Variants in TBL1X observed in about 807,000 individuals in gnomAD.
TBL1X encodes the protein transducin beta like 1 X-linked.
A neutral mutation model predicts 50.7 loss-of-function variants in TBL1X; 10 were observed. The ratio of observed to expected loss-of-function variants is 0.20; its 90% CI spans 0.12 to 0.33. TBL1X has a LOEUF of 0.33. Among genes scored for constraint, TBL1X ranks in the 10% least tolerant of loss-of-function variants. The pLI is 1.00. For missense variants in TBL1X, 340 were observed against 504.4 expected, an observed-to-expected ratio of 0.67 and a Z score of 3.12; for synonymous variants, 190 against 214.7, an observed-to-expected ratio of 0.88 and a Z score of 1.01.
At chrX:9,627,552 A>G (rs2082698885) in intron 2 of TBL1X, among the ~76,000 whole-genome samples, 1 of 112,239 alleles carries the variant, frequency 8.9e-6, no homozygotes, top group Non-Finnish European at 1.9e-5. Flanking sequence ...TTTCACACCA[A>G]CTAAAAGTGT....
At chrX:9,496,767 G>A (rs1372490162) in intron 1 of TBL1X, among the ~76,000 whole-genome samples, 4 of 111,887 alleles carry the variant, frequency 3.6e-5, no homozygotes, top group East Asian at 2.8e-4. Context: ...TGGATCAGAC[G>A]TTCCTAGCCC....
rs764369041 is a variant in TBL1X at position 9,676,350 on chromosome X, C to T, written c.212-7693C>T. Among the ~76,000 whole-genome samples the T allele has an allele frequency of 7.0e-4, 79 of 112,109 alleles. 1 individual carries two copies. The highest frequency in any genetic ancestry group is 1.4e-3 in the Non-Finnish European group (74 of 53,226). ...AGCCGAGGCCCGTCCAAGGTTGTCT[C>T]GTTGTCCTAGCCCGCCATTGCCCTG... is the stretch of plus-strand genomic sequence containing the variant. On this transcript the variant is annotated intron_variant, in intron 5 of 17. Transcript: ENST00000645353.
intron 1 of TBL1X, among the ~76,000 whole-genome samples, chrX:9,479,970 G>GTGTGTGTGTGTGTGT (rs2081871803): frequency 2.7e-5 from 3 of 109,860 alleles, no homozygotes; most frequent in South Asian, 3.8e-4. Flanking sequence ...GTGTGTTTGA[G>GTGTGTGTGTGTGTGT]ATGGAGTTTT....
At chrX:9,600,475 G>GGGA (rs1555899125) in intron 2 of TBL1X, among the ~76,000 whole-genome samples, 1 of 73,674 alleles carries the variant, frequency 1.4e-5, no homozygotes, top group African/African-American at 5.7e-5. Context: ...TGGGCGGGGG[G>GGGA]GGGGGTACAC....
At chrX:9,630,860 G>A (rs778429973) in intron 2 of TBL1X, among the ~76,000 whole-genome samples, 83 of 112,636 alleles carry the variant, frequency 7.4e-4, no homozygotes, top group Admixed American at 6.6e-3. Flanking sequence ...AGAGGCGTGA[G>A]CCACCACACC....
intron 2 of TBL1X, among the ~76,000 whole-genome samples, chrX:9,520,381 T>C (rs1224179457): frequency 9.0e-6 from 1 of 110,776 alleles, no homozygotes; most frequent in Admixed American, 9.6e-5. Context: ...AAGGGAACTC[T>C]GGAGATAGGA....
At chrX:9,639,862 A>G (rs1466430742) in intron 2 of TBL1X, 1 of 112,313 alleles carries the variant, frequency 8.9e-6, no homozygotes, top group Non-Finnish European at 1.9e-5. Context: ...GCACAGGTTC[A>G]TGTATCAGCT....
intron 1 of TBL1X, among the ~76,000 whole-genome samples, chrX:9,495,204 T>C (rs1166529366): frequency 9.0e-6 from 1 of 111,508 alleles, no homozygotes; most frequent in Non-Finnish European, 1.9e-5. Context: ...AAAAGGGCTA[T>C]GGGCAGAGAG....
intron 5 of TBL1X, among the ~76,000 whole-genome samples, chrX:9,675,975 T>C (rs1328661042): frequency 9.2e-6 from 1 of 108,213 alleles, no homozygotes; most frequent in African/African-American, 3.4e-5. Flanking sequence ...AGAACAGGAG[T>C]TGTGTTGATT....
chrX:9,681,038 C>A (rs1420656554), intron 5 of TBL1X, among the ~76,000 whole-genome samples: 1 of 112,417 alleles, frequency 8.9e-6, no homozygotes, highest in Admixed American at 9.4e-5. Flanking sequence ...GAAATGAAAT[C>A]TGTGTTGGAG....
intron 5 of TBL1X, among the ~76,000 whole-genome samples, chrX:9,655,059 C>T (rs924389366): frequency 9.0e-6 from 1 of 111,500 alleles, no homozygotes. Flanking sequence ...TTTGCCTCCC[C>T]GCCTTCCTCG....
chrX:9,713,719 C>T (rs139665682), intron 16 of TBL1X, among the ~76,000 whole-genome samples: 1,542 of 109,772 alleles, frequency 0.014, 9 homozygotes, highest in Non-Finnish European at 0.02. Context: ...TGAGCCACCG[C>T]GCCCGGCCAA....
chrX:9,582,682 G>A (rs2082448493), intron 2 of TBL1X, among the ~76,000 whole-genome samples: 1 of 112,504 alleles, frequency 8.9e-6, no homozygotes, highest in African/African-American at 3.2e-5. Context: ...TTTTCAAGAA[G>A]GTAGTGAATA....
intron 2 of TBL1X, among the ~76,000 whole-genome samples, chrX:9,584,602 C>T (rs1251684008): frequency 8.9e-6 from 1 of 112,188 alleles, no homozygotes; most frequent in Admixed American, 9.4e-5. Flanking sequence ...CAAGAGAAAG[C>T]TTCGCATTTA....
intron 2 of TBL1X, among the ~76,000 whole-genome samples, chrX:9,599,375 C>T (rs1021108765): frequency 1.8e-5 from 2 of 112,449 alleles, no homozygotes; most frequent in Admixed American, 1.9e-4. Context: ...CTTCAACATA[C>T]GCCTTGGGAT....
intron 15 of TBL1X, among the ~76,000 whole-genome samples, chrX:9,710,253 A>G (rs1050869386): frequency 2.9e-5 from 3 of 103,206 alleles, no homozygotes; most frequent in Admixed American, 1.1e-4. Context: ...AAGAAAAAAA[A>G]CCACCCAACA....
rs1421905996 is a variant in TBL1X at position 9,716,506 on chromosome X, G to A, written c.*260G>A. 7.0e-6 allele frequency: 2 copies of A among 283,869 alleles called. No individual in the cohort carries two copies. Among genetic ancestry groups the A allele is most frequent in the East Asian group, 1.2e-4 (2 of 16,147 alleles). 23.4% of individuals were successfully genotyped at this position (283,869 alleles called of 1,213,427 possible). A position where few individuals can be genotyped will look rare whatever the true frequency, so the allele number is the denominator to read the frequency against. On this transcript the variant is annotated 3_prime_UTR_variant, in exon 18 of 18. Transcript: ENST00000645353. ...CTGAGGACATTCAGCCTGGGAAGGA[G>A]GAAGTCACCAGCTCGAGGCGTGTGG...
rs771529337 is a variant in TBL1X at position 9,481,729 on chromosome X, T to G, written c.-201+16282T>G. Among the ~76,000 whole-genome samples, 171 of 112,205 alleles carry G rather than the reference T, an allele frequency of 1.5e-3. 1 individual carries two copies. The highest frequency in any genetic ancestry group is 5.3e-3 in the African/African-American group (164 of 30,915). On this transcript the variant is annotated intron_variant, in intron 1 of 17. Coordinates refer to ENST00000645353, the MANE Select transcript of TBL1X (RefSeq NM_005647.4). Reference sequence around the variant, plus strand: ...TCTGACAGGTCCAGGAGCTCCAAGTTATCTTGAGCCCTTGAGGTGAGGAAT... The same window carrying G: ...TCTGACAGGTCCAGGAGCTCCAAGTGATCTTGAGCCCTTGAGGTGAGGAAT...
At chrX:9,635,696 C>CTTCTGCTGGCTGCCTGCTGCCAG (rs2082743085) in intron 2 of TBL1X, among the ~76,000 whole-genome samples, 1 of 112,366 alleles carries the variant, frequency 8.9e-6, no homozygotes, top group African/African-American at 3.2e-5. Flanking sequence ...TGTTGGCCAC[C>CTTCTGCTGGCTGCCTGCTGCCAG]CTGCCTGCTG....
Sources: allele counts gnomAD v4.1 joint callset (sites outside exome capture counted in the v4.1 genomes callset), GRCh38; gene constraint gnomAD v4.1.1; transcripts MANE v1.5; gene names NCBI Gene and HGNC (gene_info 2026-07-23, HGNC 2026-07-21).